The following ANK3 variants were observed in gnomAD, a reference collection of about 807,000 sequenced individuals.
The protein encoded by ANK3 is ankyrin-3.
ANK3 carries 57 observed loss-of-function variants against 370.9 expected under a neutral mutation model. The observed-to-expected ratio is 0.15, with a 90% CI of 0.12 to 0.19. The LOEUF (loss-of-function observed/expected upper bound fraction) is 0.19, where lower values mean the gene tolerates loss of function less well. ANK3 is among the 10% of genes least tolerant of loss of function. The pLI, the probability that ANK3 is intolerant of heterozygous loss-of-function variation, is 1.00. For synonymous variants in ANK3, 1,929 were observed against 1,946.3 expected, an observed-to-expected ratio of 0.99 and a Z score of 0.23; for missense variants, 4,439 against 5,302.1, an observed-to-expected ratio of 0.84 and a Z score of 5.06.
In ANK3 at chr10:60,029,085, AATT is replaced by A. The variant is rs2072713483; in HGVS notation, c.*758_*760del. The A allele has an allele frequency of 6.6e-6, 1 of 152,646 alleles. No individual in the cohort carries two copies. The allele number at this position is 152,646 out of a possible 1,614,324, so 9.5% of individuals were successfully genotyped here. ...GAACTACAGAATTCCTCATTTTGGG[AATT>A]ATTTAAATTTGCAGCAGATTTTAAA... On this transcript the variant is annotated 3_prime_UTR_variant, in exon 44 of 44. Coordinates refer to ENST00000280772, the MANE Select transcript of ANK3 (RefSeq NM_020987.5).
chr10:60,386,984 AC>A (rs1428252864), intron 1 of ANK3, among the ~76,000 whole-genome samples: 2 of 152,068 alleles, frequency 1.3e-5, no homozygotes, highest in African/African-American at 4.8e-5. Flanking sequence ...ACACGGCGAA[AC>A]CCCATCTCTA....
intron 1 of ANK3, among the ~76,000 whole-genome samples, chr10:60,351,137 T>G (rs2056779787): frequency 6.6e-6 from 1 of 152,210 alleles, no homozygotes; most frequent in East Asian, 1.9e-4. Flanking sequence ...ATAGTTACTA[T>G]GACCACAAAC....
At chr10:60,495,997 T>C (rs1000716144) in intron 2 of ANK3, among the ~76,000 whole-genome samples, 2 of 152,100 alleles carry the variant, frequency 1.3e-5, no homozygotes, top group Admixed American at 6.5e-5. Context: ...TTTTTTTCTC[T>C]TGTTTCCAAT....
intron 1 of ANK3, among the ~76,000 whole-genome samples, chr10:60,357,695 AAAT>A (rs370634598): frequency 1.2e-3 from 185 of 152,280 alleles, no homozygotes; most frequent in African/African-American, 4.2e-3. Flanking sequence ...TTTTTCAGCC[AAAT>A]AAGAAAATTA....
chr10:60,045,885 A>G (rs747176891), intron 42 of ANK3, among the ~76,000 whole-genome samples: 11 of 151,534 alleles, frequency 7.3e-5, no homozygotes, highest in Non-Finnish European at 1.6e-4. Flanking sequence ...AGACTAGAAC[A>G]CTATTGTTTT....
chr10:60,161,072 T>C lies in ANK3; in HGVS notation c.2614+5519A>G, dbSNP rs182666817. ...AGACATGAGAAAGAAATAAAGGACA[T>C]CCAAATTAGAAAAGAAGTAGTTAAA... On this transcript the variant is annotated intron_variant, in intron 23 of 43. Transcript: ENST00000280772. Among the ~76,000 whole-genome samples, 8 of 152,228 alleles carry C rather than the reference T, an allele frequency of 5.3e-5. No homozygotes were observed. In the East Asian group the frequency reaches 1.4e-3, roughly 26 times the overall value.
At chr10:60,031,830 G>C (rs2073650183) in intron 43 of ANK3, among the ~76,000 whole-genome samples, 1 of 152,096 alleles carries the variant, frequency 6.6e-6, no homozygotes, top group African/African-American at 2.4e-5. Context: ...AGTATTAAAA[G>C]TGCTACTGAC....
chr10:60,131,230 C>T (rs1266129592), intron 25 of ANK3, among the ~76,000 whole-genome samples: 1 of 152,100 alleles, frequency 6.6e-6, no homozygotes, highest in Non-Finnish European at 1.5e-5. Flanking sequence ...TTCAAATGCC[C>T]CCAACAGTCC....
At chr10:60,472,895 A>G (rs753542435) in intron 2 of ANK3, among the ~76,000 whole-genome samples, 11 of 152,190 alleles carry the variant, frequency 7.2e-5, no homozygotes, top group Non-Finnish European at 1.3e-4. Context: ...CTATGACAGC[A>G]TCCTCTTCTT....
chr10:60,414,058 C>T (rs749110721), intron 2 of ANK3, among the ~76,000 whole-genome samples: 3 of 152,064 alleles, frequency 2.0e-5, no homozygotes, highest in Non-Finnish European at 4.4e-5. Flanking sequence ...GAAAGTTGAA[C>T]ATAAGAGGAA....
chr10:60,515,293 T>C (rs1004967693), intron 2 of ANK3, among the ~76,000 whole-genome samples: 4 of 152,096 alleles, frequency 2.6e-5, no homozygotes, highest in Non-Finnish European at 5.9e-5. Flanking sequence ...CAGGAAGCAT[T>C]GACCATAAGC....
intron 2 of ANK3, among the ~76,000 whole-genome samples, chr10:60,541,231 CCTCAAAACTCTTCATTGAGATTT>C (rs2133215746): frequency 6.6e-6 from 1 of 152,004 alleles, no homozygotes; most frequent in East Asian, 1.9e-4. Flanking sequence ...GTATGACTCT[CCTCAAAACTCTTCATTGAGATTT>C]CATCTGATGG....
At chr10:60,129,556 A>T (rs1223623063) in intron 25 of ANK3, among the ~76,000 whole-genome samples, 1 of 152,190 alleles carries the variant, frequency 6.6e-6, no homozygotes, top group Non-Finnish European at 1.5e-5. Context: ...GTTCGAGACA[A>T]GCCTGGGCAA....
chr10:60,308,982 G>A (rs1045317038), intron 1 of ANK3, among the ~76,000 whole-genome samples: 2 of 152,076 alleles, frequency 1.3e-5, no homozygotes, highest in African/African-American at 4.8e-5. Context: ...AGGAGAATTC[G>A]AATAGTTGAA....
At chr10:60,126,898 A>G (rs2093791274) in intron 25 of ANK3, among the ~76,000 whole-genome samples, 1 of 152,218 alleles carries the variant, frequency 6.6e-6, no homozygotes, top group Non-Finnish European at 1.5e-5. Context: ...AGGTTTCATT[A>G]CCACCAATAG....
At chr10:60,252,306 T>C (rs975554545) in intron 7 of ANK3, among the ~76,000 whole-genome samples, 4 of 152,182 alleles carry the variant, frequency 2.6e-5, no homozygotes, top group Non-Finnish European at 4.4e-5. Context: ...CAGATCCAAA[T>C]GCACTGTCTG....
intron 12 of ANK3, 86 bp downstream of exon 12, chr10:60,202,909 AAAAAAAT>A (rs2096707079): frequency 3.5e-6 from 3 of 850,070 alleles, no homozygotes; most frequent in Non-Finnish European, 5.4e-6. Flanking sequence ...TCCAACTCTT[AAAAAAAT>A]AAAAAATAAA....
chr10:60,450,116 G>C (rs1310147912), intron 2 of ANK3, among the ~76,000 whole-genome samples: 1 of 152,060 alleles, frequency 6.6e-6, no homozygotes, highest in Non-Finnish European at 1.5e-5. Flanking sequence ...GGGGAACATA[G>C]TGAGACCCCA....
chr10:60,196,236 A>G lies in ANK3; in HGVS notation c.1796T>C (p.Leu599Pro), dbSNP rs1481019577. The G allele has an allele frequency of 6.2e-7, 1 of 1,613,818 alleles. No individual in the cohort carries two copies. The highest frequency in any genetic ancestry group is 1.3e-5 in the African/African-American group (1 of 74,916). ...ATGTGCAGCTACATGCAGTGGTGTT[A>G]GCCCGCTCTGAAAACACGTGCAGAA... ...ASPDAAGKSGLTPLHVAAHYD... is the reference protein window; with the variant it reads ...ASPDAAGKSGPTPLHVAAHYD... Residue 599 changes from leucine (L) to proline (P), a missense_variant, in exon 16 of 44, where the codon CTA becomes CCA. Leu to Pro is a moderately conservative substitution (Grantham distance 98). Transcript: ENST00000280772.
Sources: allele counts gnomAD v4.1 joint callset (sites outside exome capture counted in the v4.1 genomes callset), GRCh38; gene constraint gnomAD v4.1.1; transcripts MANE v1.5; gene names NCBI Gene and HGNC (gene_info 2026-07-23, HGNC 2026-07-21).